Variants in SNTB2 observed in about 807,000 individuals in gnomAD.
The protein encoded by SNTB2 is syntrophin beta 2, also known as beta-2-syntrophin.
In SNTB2, 34 loss-of-function variants were observed where a neutral mutation model predicts 46.2. The observed-to-expected ratio is 0.74, with a 90% CI of 0.56 to 0.98. The LOEUF (loss-of-function observed/expected upper bound fraction) is 0.98, where lower values mean the gene tolerates loss of function less well. SNTB2 is among the 50% of genes least tolerant of loss of function. The probability of loss-of-function intolerance (pLI) is 0.00; values close to 1 mark genes in which losing one functional copy is unlikely to be tolerated. For synonymous variants in SNTB2, 290 were observed against 312.6 expected (o/e 0.93, Z 0.76); for missense variants, 603 against 731.4 (o/e 0.82, Z 2.02).
chr16:69,191,680 G>A (rs1218853692), intron 1 of SNTB2, among the ~76,000 whole-genome samples: 1 of 150,904 alleles, frequency 6.6e-6, no homozygotes, highest in Non-Finnish European at 1.5e-5. Context: ...TCACTCTGTT[G>A]CCCAGGCTGG....
In SNTB2 at chr16:69,270,165, A is replaced by G. The variant is rs1964924212; in HGVS notation, c.1028A>G (p.Gln343Arg). ...CAGGCAAAACTAGATGGTGGAAGAC[A>G]GCAATGGAGACCTGTCCTCATGGCT... ...AEQAKLDGGR[Q>R]QWRPVLMAVT... The change falls in exon 4 of 7, where the codon CAG becomes CGG. Residue 343 changes from glutamine to arginine, a missense_variant. Physicochemically the swap from Gln to Arg is conservative, Grantham distance 43. Coordinates refer to ENST00000336278, the MANE Select transcript of SNTB2 (RefSeq NM_006750.4). 3.1e-6 allele frequency: 5 copies of G among 1,614,144 alleles called. No homozygotes were observed. The highest frequency in any genetic ancestry group is 4.2e-6 in the Non-Finnish European group (5 of 1,180,036).
In SNTB2 at chr16:69,187,478, G is replaced by T; in HGVS notation, c.312G>T (p.Ala104=). Residue 104 remains alanine (A), a synonymous_variant, in exon 1 of 7, where the codon GCG becomes GCT. Coordinates refer to ENST00000336278, the MANE Select transcript of SNTB2 (RefSeq NM_006750.4). The part of the protein sequence containing the change: ...PSPPAPPRGP[A]GEAGASPPVR... ...CGCCGGCGCCGCCTCGGGGCCCCGCGGGTGAGGCGGGCGCGTCGCCGCCCG... is the reference window on the plus strand; with the variant it reads ...CGCCGGCGCCGCCTCGGGGCCCCGCTGGTGAGGCGGGCGCGTCGCCGCCCG... 1 of 1,218,820 alleles carries T rather than the reference G, an allele frequency of 8.2e-7. No homozygotes were observed. Among genetic ancestry groups the T allele is most frequent in the Non-Finnish European group, 1.0e-6 (1 of 974,584 alleles). 75.5% of individuals were successfully genotyped at this position (1,218,820 alleles called of 1,614,324 possible).
chr16:69,300,854 C>T lies in SNTB2; in HGVS notation c.1553C>T (p.Pro518Leu), dbSNP rs1424041197. 1.9e-6 allele frequency: 3 copies of T among 1,613,706 alleles called. No homozygotes were observed. Among genetic ancestry groups the T allele is most frequent in the Non-Finnish European group, 2.5e-6 (3 of 1,179,776 alleles). Residue 518 changes from proline (P) to leucine (L), a missense_variant, in exon 7 of 7, where the codon CCG (proline) becomes CTG (leucine). Transcript: ENST00000336278. ...GELTMDLHSC[P>L]KPIVFVLHTF... ...CAGACCATGGACCTGCACTCTTGTCCGAAGCCGATTGTATTTGTGTTGCAC... is the reference window on the plus strand; with the variant it reads ...CAGACCATGGACCTGCACTCTTGTCTGAAGCCGATTGTATTTGTGTTGCAC...
intron 2 of SNTB2, among the ~76,000 whole-genome samples, chr16:69,249,028 T>C (rs1317806941): frequency 6.0e-5 from 9 of 148,942 alleles, no homozygotes; most frequent in South Asian, 2.1e-4. Context: ...TCTTTCTTTT[T>C]TTTTTTTTTT....
intron 1 of SNTB2, among the ~76,000 whole-genome samples, chr16:69,238,062 C>T (rs1347060135): frequency 6.6e-6 from 1 of 152,172 alleles, no homozygotes; most frequent in Admixed American, 6.5e-5. Flanking sequence ...TCCGCTCCTT[C>T]TCTACATGCC....
At position 69,306,880 on chromosome 16, in the gene SNTB2, T is replaced by C. The variant is rs1965320930; in HGVS notation, c.*5956T>C. ...TGAACCCAGGAGGCAGAAGTTGCAGTGAGCTGAGATCATGCCATTGCACTC... is the reference window on the plus strand; with the variant it reads ...TGAACCCAGGAGGCAGAAGTTGCAGCGAGCTGAGATCATGCCATTGCACTC... On this transcript the variant is annotated 3_prime_UTR_variant, in exon 7 of 7. Transcript: ENST00000336278. The C allele has an allele frequency of 6.6e-6, 1 of 152,222 alleles. No homozygotes were observed. Among genetic ancestry groups the C allele is most frequent in the Non-Finnish European group, 1.5e-5 (1 of 68,090 alleles). 9.4% of individuals were successfully genotyped at this position (152,222 alleles called of 1,614,324 possible).
At chr16:69,201,541 G>T (rs79808161) in intron 1 of SNTB2, among the ~76,000 whole-genome samples, 2 of 152,294 alleles carry the variant, frequency 1.3e-5, no homozygotes, top group East Asian at 3.9e-4. Flanking sequence ...TGAAAGAGAT[G>T]TGTGTTTAAA....
At chr16:69,260,337 A>G in intron 3 of SNTB2, 77 bp downstream of exon 3, 1 of 1,323,430 alleles carries the variant, frequency 7.6e-7, no homozygotes, top group South Asian at 1.2e-5. Flanking sequence ...ATATATCTGT[A>G]ATACTTACCA....
chr16:69,201,888 A>T (rs928408396), intron 1 of SNTB2, among the ~76,000 whole-genome samples: 3 of 152,096 alleles, frequency 2.0e-5, no homozygotes, highest in Admixed American at 6.6e-5. Context: ...TCATACCTGG[A>T]TGGAAAATTG....
chr16:69,199,705 G>C (rs1964141497), intron 1 of SNTB2, among the ~76,000 whole-genome samples: 1 of 150,952 alleles, frequency 6.6e-6, no homozygotes, highest in Non-Finnish European at 1.5e-5. Flanking sequence ...ACTGATTATT[G>C]TGTACCTTGA....
intron 2 of SNTB2, among the ~76,000 whole-genome samples, chr16:69,249,820 C>T (rs983480434): frequency 7.9e-5 from 12 of 152,132 alleles, no homozygotes; most frequent in South Asian, 2.1e-4. Context: ...AAAATTTGGC[C>T]GGGTGCAGTG....
intron 1 of SNTB2, among the ~76,000 whole-genome samples, chr16:69,228,524 AAAAG>A (rs1221071798): frequency 1.3e-5 from 2 of 151,668 alleles, no homozygotes; most frequent in Admixed American, 1.3e-4. Flanking sequence ...AAAAAAAAAA[AAAAG>A]AATTTCATAA....
intron 5 of SNTB2, among the ~76,000 whole-genome samples, chr16:69,297,134 G>A (rs997900972): frequency 1.6e-4 from 24 of 150,706 alleles, no homozygotes; most frequent in Admixed American, 4.6e-4. Flanking sequence ...GCAAAACCCC[G>A]TCTCTACTAA....
At chr16:69,233,306 G>A (rs8057271) in intron 1 of SNTB2, among the ~76,000 whole-genome samples, 73,459 of 152,026 alleles carry the variant, frequency 0.48, 21,680 homozygotes, top group African/African-American at 0.84. Flanking sequence ...ACTGTCCTGT[G>A]ACTCTCCACT....
chr16:69,275,734 G>C lies in SNTB2; in HGVS notation c.1148+5449G>C, dbSNP rs144282416. 1.9e-3 allele frequency among the ~76,000 whole-genome samples: 293 copies of C among 152,250 alleles called. 1 individual carries two copies. The highest frequency in any genetic ancestry group is 6.7e-3 in the African/African-American group (278 of 41,552). On this transcript the variant is annotated intron_variant, in intron 4 of 6. Coordinates refer to ENST00000336278, the MANE Select transcript of SNTB2 (RefSeq NM_006750.4). ...AATGTTTAATTTCCCTAATTCTATTGTTAATACTTTGGACCATGTTCTTAT... is the reference window on the plus strand; with the variant it reads ...AATGTTTAATTTCCCTAATTCTATTCTTAATACTTTGGACCATGTTCTTAT...
intron 5 of SNTB2, among the ~76,000 whole-genome samples, chr16:69,292,411 AT>A (rs1965177957): frequency 4.4e-5 from 1 of 22,982 alleles, no homozygotes; most frequent in African/African-American, 3.4e-4. Flanking sequence ...TATATATTAT[AT>A]ATATATTATA....
chr16:69,250,093 A>T (rs576611742), intron 2 of SNTB2, among the ~76,000 whole-genome samples: 72 of 152,314 alleles, frequency 4.7e-4, no homozygotes, highest in East Asian at 1.3e-3. Context: ...AAAAATTTTT[A>T]AAAATAAAAA....
rs1475411733 is a variant in SNTB2, at chr16:69,245,694, T to G, written c.673T>G (p.Phe225Val). 6.2e-7 allele frequency: 1 copy of G among 1,614,058 alleles called. No individual in the cohort carries two copies. Among genetic ancestry groups the G allele is most frequent in the Non-Finnish European group, 8.5e-7 (1 of 1,180,008 alleles). The part of the protein sequence containing the change: ...WEGAAPQSPS[F>V]SGSEDSGSPK... Reference sequence around the variant, plus strand: ...AGGTGCAGCCCCCCAGTCACCAAGCTTTAGTGGCAGTGAGGACTCTGGTTC... The same window carrying G: ...AGGTGCAGCCCCCCAGTCACCAAGCGTTAGTGGCAGTGAGGACTCTGGTTC... Residue 225 changes from phenylalanine to valine, a missense_variant, in exon 2 of 7, where the codon TTT becomes GTT. Phe to Val is a conservative substitution (Grantham distance 50, BLOSUM62 -1). Coordinates refer to ENST00000336278, the MANE Select transcript of SNTB2 (RefSeq NM_006750.4).
At chr16:69,238,237 G>C (rs1964577037) in intron 1 of SNTB2, among the ~76,000 whole-genome samples, 1 of 152,174 alleles carries the variant, frequency 6.6e-6, no homozygotes, top group Non-Finnish European at 1.5e-5. Context: ...TCGCAGGTCA[G>C]TGCAATCTGG....
Sources: allele counts gnomAD v4.1 joint callset (sites outside exome capture counted in the v4.1 genomes callset), GRCh38; gene constraint gnomAD v4.1.1; transcripts MANE v1.5; gene names NCBI Gene and HGNC (gene_info 2026-07-23, HGNC 2026-07-21).